The following GABBR2 variants were observed in gnomAD, a reference collection of about 807,000 sequenced individuals.
GABBR2 encodes gamma-aminobutyric acid type B receptor subunit 2.
In GABBR2, 23 loss-of-function variants were observed where a neutral mutation model predicts 105.6. That is an observed-to-expected ratio of 0.22 (90% CI 0.16 to 0.31). The LOEUF is 0.31. Ranked by LOEUF, GABBR2 falls within the 10% of genes least tolerant of loss-of-function variation. The pLI is 1.00. For missense variants in GABBR2, 734 were observed against 1,245.5 expected (o/e 0.59, Z 6.18); for synonymous variants, 478 against 499.7 (o/e 0.96, Z 0.58).
In GABBR2 at chr9:98,548,944, G is replaced by T. The variant is rs552372032; in HGVS notation, c.460-6901C>A. Among the ~76,000 whole-genome samples the T allele has an allele frequency of 2.5e-5, 3 of 120,820 alleles. 1 individual carries two copies. In the East Asian group the frequency reaches 1.1e-3, roughly 44 times the overall value. 79.3% of individuals were successfully genotyped at this position (120,820 alleles called of 152,430 possible). The stretch of plus-strand genomic sequence containing the variant: ...TGTTTGTTTATTTGTTTGGTTGGTT[G>T]GTTTTCTTTGAGATGGAGTCCTGCT... On this transcript the variant is annotated intron_variant, in intron 2 of 18. Coordinates refer to ENST00000259455, the MANE Select transcript of GABBR2 (RefSeq NM_005458.8).
chr9:98,353,090 A>C (rs1487693598), intron 13 of GABBR2, among the ~76,000 whole-genome samples: 10 of 152,088 alleles, frequency 6.6e-5, no homozygotes, highest in Non-Finnish European at 1.5e-4. Context: ...TACTAAGCTA[A>C]TGGCCTGTGA....
intron 4 of GABBR2, among the ~76,000 whole-genome samples, chr9:98,492,512 A>G (rs991203507): frequency 6.6e-6 from 1 of 152,142 alleles, no homozygotes; most frequent in Middle Eastern, 3.4e-3. Context: ...TATTGATGTT[A>G]TTATTAGCTA....
intron 1 of GABBR2, among the ~76,000 whole-genome samples, chr9:98,691,271 C>A (rs1830678249): frequency 6.6e-6 from 1 of 152,208 alleles, no homozygotes; most frequent in South Asian, 2.1e-4. Context: ...ATACTCTCAT[C>A]CTAGCCTCAC....
At position 98,453,995 on chromosome 9, in the gene GABBR2, A is replaced by T. The variant is rs567827843; in HGVS notation, c.1222T>A (p.Phe408Ile). 1 of 1,612,666 alleles carries T rather than the reference A, an allele frequency of 6.2e-7. No individual in the cohort carries two copies. Among genetic ancestry groups the T allele is most frequent in the East Asian group, 2.2e-5 (1 of 44,876 alleles). Residue 408 changes from phenylalanine (F) to isoleucine (I), a missense_variant, in exon 7 of 19, where the codon TTC becomes ATC. Transcript: ENST00000259455. The stretch of plus-strand genomic sequence containing the variant: ...ATGGGACTGACCGTGACCCCGAAGA[A>T]GTTGGTCTCGTTCATGGCATTGAGG... ...IILNAMNETNFFGVTGQVVFR... is the reference protein window; with the variant it reads ...IILNAMNETNIFGVTGQVVFR...
chr9:98,603,925 C>T (rs1004844537), intron 1 of GABBR2, among the ~76,000 whole-genome samples: 2 of 152,202 alleles, frequency 1.3e-5, no homozygotes, highest in Admixed American at 1.3e-4. Context: ...ACAAAAATAA[C>T]GTCCCGTTCC....
chr9:98,447,046 C>A (rs1826141850), intron 7 of GABBR2, among the ~76,000 whole-genome samples: 1 of 148,854 alleles, frequency 6.7e-6, no homozygotes, highest in East Asian at 2.0e-4. Flanking sequence ...TTCCCAGATT[C>A]AACCTAAAAA....
chr9:98,366,709 C>T (rs1406860764), intron 12 of GABBR2, among the ~76,000 whole-genome samples: 1 of 152,226 alleles, frequency 6.6e-6, no homozygotes, highest in Non-Finnish European at 1.5e-5. Flanking sequence ...GCTCTCCTGT[C>T]GTCTTTAGAT....
At chr9:98,531,007 G>A (rs1276038867) in intron 3 of GABBR2, among the ~76,000 whole-genome samples, 2 of 152,148 alleles carry the variant, frequency 1.3e-5, no homozygotes, top group African/African-American at 2.4e-5. Flanking sequence ...AGTGTCCCTG[G>A]TGAGGGTGCT....
At chr9:98,374,348 C>T (rs138410706) in intron 11 of GABBR2, among the ~76,000 whole-genome samples, 6 of 152,260 alleles carry the variant, frequency 3.9e-5, no homozygotes, top group Non-Finnish European at 7.4e-5. Context: ...AAACTAAAAG[C>T]GAAGAATAGC....
At chr9:98,408,819 GCT>G (rs1336985251) in intron 7 of GABBR2, among the ~76,000 whole-genome samples, 1 of 152,078 alleles carries the variant, frequency 6.6e-6, no homozygotes, top group Non-Finnish European at 1.5e-5. Context: ...ACAGGGTCTC[GCT>G]CTGTTATCCA....
intron 3 of GABBR2, among the ~76,000 whole-genome samples, chr9:98,532,805 A>G (rs1440739126): frequency 2.0e-5 from 3 of 152,130 alleles, no homozygotes; most frequent in South Asian, 2.1e-4. Context: ...GTATTGCCCA[A>G]TCCTGAAGAG....
At chr9:98,548,721 G>A (rs1240686966) in intron 2 of GABBR2, among the ~76,000 whole-genome samples, 1 of 119,736 alleles carries the variant, frequency 8.4e-6, no homozygotes, top group East Asian at 3.6e-4. Flanking sequence ...AGGGGAGAAA[G>A]GAAAAGGTCT....
intron 5 of GABBR2, among the ~76,000 whole-genome samples, chr9:98,478,370 T>C (rs139146609): frequency 0.012 from 1,894 of 152,250 alleles, 32 homozygotes; most frequent in African/African-American, 0.043. Flanking sequence ...CCTTAGGACC[T>C]TCTGGACCTT....
At chr9:98,504,851 A>G (rs1052367019) in intron 3 of GABBR2, among the ~76,000 whole-genome samples, 1 of 152,178 alleles carries the variant, frequency 6.6e-6, no homozygotes, top group African/African-American at 2.4e-5. Context: ...CATTTGAAAC[A>G]CTCAAATCTT....
chr9:98,615,068 A>T (rs1479694723), intron 1 of GABBR2, among the ~76,000 whole-genome samples: 1 of 152,206 alleles, frequency 6.6e-6, no homozygotes, highest in East Asian at 1.9e-4. Context: ...CATGAGAAGA[A>T]ATGCCCCCAC....
Position 98,706,241 on chromosome 9 carries a change from C to A in GABBR2, c.321+2176G>T, listed in dbSNP as rs72731090. On this transcript the variant is annotated intron_variant, in intron 1 of 18. Transcript: ENST00000259455. ...GGCATCTTCTACCCTGGCCTGTTATCTTCCTTAAGCTGTGTGTCACCTGCA... is the reference window on the plus strand; with the variant it reads ...GGCATCTTCTACCCTGGCCTGTTATATTCCTTAAGCTGTGTGTCACCTGCA... 4.9e-3 allele frequency among the ~76,000 whole-genome samples: 742 copies of A among 152,216 alleles called. 6 individuals are homozygous for A. Among genetic ancestry groups the A allele is most frequent in the Non-Finnish European group, 7.6e-3 (518 of 68,014 alleles).
chr9:98,496,563 A>AG (rs1247760731), intron 3 of GABBR2, 49 bp from the exon 4 acceptor site: 1 of 1,283,444 alleles, frequency 7.8e-7, no homozygotes, highest in Non-Finnish European at 1.1e-6. Context: ...GACCACAGGA[A>AG]GGGCCAGTTC....
At chr9:98,367,733 G>A (rs1324043099) in intron 12 of GABBR2, among the ~76,000 whole-genome samples, 1 of 152,118 alleles carries the variant, frequency 6.6e-6, no homozygotes, top group Non-Finnish European at 1.5e-5. Flanking sequence ...CGGTGCTGTG[G>A]TTAAGTATTA....
rs199985270 is a variant in GABBR2 at position 98,290,655 on chromosome 9, C to T, written c.2755G>A (p.Val919Ile). 119 of 1,462,998 alleles carry T rather than the reference C, an allele frequency of 8.1e-5. No individual in the cohort carries two copies. In the East Asian group the frequency reaches 8.8e-4, roughly 11 times the overall value. The allele number at this position is 1,462,998 out of a possible 1,614,324, so 90.6% of individuals were successfully genotyped here. A position where few individuals can be genotyped will look rare whatever the true frequency, so the allele number is the denominator to read the frequency against. The change falls in exon 19 of 19, where the codon GTC (valine) becomes ATC (isoleucine). Residue 919 changes from valine (V) to isoleucine (I), a missense_variant. Coordinates refer to ENST00000259455, the MANE Select transcript of GABBR2 (RefSeq NM_005458.8). ...GVDASCVSPC[V>I]SPTASPRHRH... ...TGGCGGGGGCTGGCGGTGGGGCTGA[C>T]GCAGGGGCTGACACAGCTGGCGTCC...
Sources: allele counts gnomAD v4.1 joint callset (sites outside exome capture counted in the v4.1 genomes callset), GRCh38; gene constraint gnomAD v4.1.1; transcripts MANE v1.5; gene names NCBI Gene and HGNC (gene_info 2026-07-23, HGNC 2026-07-21).